Variants in EIF3K observed in about 807,000 individuals in gnomAD.
EIF3K encodes eIF-3 p28.
In EIF3K, 27 loss-of-function variants were observed where a neutral mutation model predicts 34.2. The observed-to-expected ratio is 0.79, with a 90% CI of 0.58 to 1.09. EIF3K has a LOEUF of 1.09. EIF3K is among the 50% of genes least tolerant of loss of function. EIF3K has a pLI of 0.00. For missense variants in EIF3K, 232 were observed against 275.4 expected (o/e 0.84, Z 1.11); for synonymous variants, 105 against 105.7 (o/e 0.99, Z 0.04).
At chr19:38,635,347 C>G (rs1976167308) in intron 7 of EIF3K, 1 of 604,346 alleles carries the variant, frequency 1.7e-6, no homozygotes, top group Admixed American at 3.0e-5. Flanking sequence ...TGCCCCATAG[C>G]ACTCAGCAAG....
intron 2 of EIF3K, among the ~76,000 whole-genome samples, chr19:38,623,214 G>A (rs920501377): frequency 2.0e-5 from 3 of 152,180 alleles, no homozygotes; most frequent in African/African-American, 7.2e-5. Flanking sequence ...TATTAATTTG[G>A]GGAACTAATA....
chr19:38,631,966 A>G (rs531485329), intron 4 of EIF3K: 1 of 189,022 alleles, frequency 5.3e-6, no homozygotes, highest in Non-Finnish European at 1.1e-5. Flanking sequence ...GCACGGGGTA[A>G]GGTTACAGAT....
At position 38,626,180 on chromosome 19, in the gene EIF3K, CACTG is replaced by C; in HGVS notation, c.354+83_354+86del. The C allele has an allele frequency of 3.8e-6, 5 of 1,327,798 alleles. No homozygotes were observed. The South Asian group carries it at 5.9e-5, about 16-fold the overall frequency. The allele number at this position is 1,327,798 out of a possible 1,614,324, so 82.3% of individuals were successfully genotyped here. A position where few individuals can be genotyped will look rare whatever the true frequency, so the allele number is the denominator to read the frequency against. Reference sequence around the variant, plus strand: ...GAGTGCTAAAAGTAACAACGGTGCACACTGACTGGCTTCCTGCTTTGGCGGTGGG... The same window carrying C: ...GAGTGCTAAAAGTAACAACGGTGCACACTGGCTTCCTGCTTTGGCGGTGGG... On this transcript the variant is annotated intron_variant, in intron 4 of 7. Coordinates refer to ENST00000248342, the MANE Select transcript of EIF3K (RefSeq NM_013234.4).
Position 38,626,095 on chromosome 19 carries a change from CCTTCT to C in EIF3K, c.348_352del (p.Phe117AlafsTer5). 2 of 1,614,138 alleles carry C rather than the reference CCTTCT, an allele frequency of 1.2e-6. No individual in the cohort carries two copies. The highest frequency in any genetic ancestry group is 1.7e-6 in the Non-Finnish European group (2 of 1,180,010). On this transcript the variant is annotated frameshift_variant and splice_region_variant, in exon 4 of 8. Transcript: ENST00000248342. LOFTEE classifies it high-confidence loss of function. Reference sequence around the variant, plus strand: ...CTGCTGGAGACCTGCCATTTCCAGGCCTTCTGGGTAACTTCCCTGGGGTCCAGGGG... The same window carrying C: ...CTGCTGGAGACCTGCCATTTCCAGGCGGGTAACTTCCCTGGGGTCCAGGGG...
chr19:38,630,349 T>A lies in EIF3K; in HGVS notation c.355-2081T>A, dbSNP rs561464704. On this transcript the variant is annotated intron_variant, in intron 4 of 7. Transcript: ENST00000248342. ...TTTAATTATTTATTTATTTATTTAT[T>A]TTTTTTTTTTTTTGAGATGGAGTCT... Among the ~76,000 whole-genome samples the A allele has an allele frequency of 7.2e-3, 971 of 134,604 alleles. 12 individuals carry two copies. Among genetic ancestry groups the A allele is most frequent in the South Asian group, 0.019 (81 of 4,270 alleles). The allele number at this position is 134,604 out of a possible 152,430, so 88.3% of individuals were successfully genotyped here.
chr19:38,632,980 A>G (rs1976102736), intron 6 of EIF3K: 1 of 349,850 alleles, frequency 2.9e-6, no homozygotes, highest in Non-Finnish European at 5.2e-6. Flanking sequence ...AGCAAAGCAC[A>G]TGGCGACATG....
intron 4 of EIF3K, among the ~76,000 whole-genome samples, chr19:38,627,861 C>G (rs1346547995): frequency 6.6e-6 from 1 of 151,746 alleles, no homozygotes; most frequent in Non-Finnish European, 1.5e-5. Context: ...ATACCCCAGG[C>G]CAGTTCTCTG....
At chr19:38,629,496 A>G (rs572613598) in intron 4 of EIF3K, among the ~76,000 whole-genome samples, 1 of 152,234 alleles carries the variant, frequency 6.6e-6, no homozygotes, top group South Asian at 2.1e-4. Flanking sequence ...GGATTTCGCC[A>G]TGTTGACCAG....
intron 7 of EIF3K, among the ~76,000 whole-genome samples, chr19:38,635,956 T>C (rs1390129403): frequency 6.6e-6 from 1 of 152,342 alleles, no homozygotes; most frequent in South Asian, 2.1e-4. Flanking sequence ...GTTTTAAAGA[T>C]GTGTTTGGTA....
At chr19:38,621,481 C>T (rs1975839582) in intron 2 of EIF3K, among the ~76,000 whole-genome samples, 1 of 152,194 alleles carries the variant, frequency 6.6e-6, no homozygotes, top group African/African-American at 2.4e-5. Context: ...TGTAGTTTAA[C>T]AAATCATTAT....
intron 1 of EIF3K, 145 bp downstream of exon 1, chr19:38,619,472 C>T (rs113968872): frequency 8.8e-6 from 8 of 908,536 alleles, no homozygotes; most frequent in Middle Eastern, 3.1e-4. Flanking sequence ...CTTAAAGAAA[C>T]GGCACTGAGC....
rs534118801 is a variant in EIF3K at position 38,625,056 on chromosome 19, T to C, written c.279+859T>C. Among the ~76,000 whole-genome samples, 5 of 152,182 alleles carry C rather than the reference T, an allele frequency of 3.3e-5. No homozygotes were observed. The South Asian group carries it at 1.0e-3, about 32-fold the overall frequency. On this transcript the variant is annotated intron_variant, in intron 3 of 7. Coordinates refer to ENST00000248342, the MANE Select transcript of EIF3K (RefSeq NM_013234.4). ...AAGGTGATCCAGGCAGAGAGGACACTCATGGGCTAAAGGAAGCAGAGCTCG... is the reference window on the plus strand; with the variant it reads ...AAGGTGATCCAGGCAGAGAGGACACCCATGGGCTAAAGGAAGCAGAGCTCG...
rs953607771 is a variant in EIF3K at position 38,620,372 on chromosome 19, A to G, written c.95A>G (p.Tyr32Cys). Reference sequence around the variant, plus strand: ...GAGAACCTGGCCACCCTGGAGCGCTATGTAGAGACGCAGGCCAAGGAAAAT... The same window carrying G: ...GAGAACCTGGCCACCCTGGAGCGCTGTGTAGAGACGCAGGCCAAGGAAAAT... ...NPENLATLER[Y>C]VETQAKENAY... Residue 32 changes from tyrosine to cysteine, a missense_variant, in exon 2 of 8, where the codon TAT becomes TGT. Coordinates refer to ENST00000248342, the MANE Select transcript of EIF3K (RefSeq NM_013234.4). 6.2e-7 allele frequency: 1 copy of G among 1,613,852 alleles called. No individual in the cohort carries two copies. Among genetic ancestry groups the G allele is most frequent in the Admixed American group, 1.7e-5 (1 of 59,974 alleles).
At position 38,621,826 on chromosome 19, in the gene EIF3K, C is replaced by T. The variant is rs111313886; in HGVS notation, c.158+1391C>T. The stretch of plus-strand genomic sequence containing the variant: ...GCAGTTTGTTGTCATGGATGTATAG[C>T]TCTCCACTGTGTCACTTGTGTGGCT... On this transcript the variant is annotated intron_variant, in intron 2 of 7. Transcript: ENST00000248342. Among the ~76,000 whole-genome samples, 8 of 151,470 alleles carry T rather than the reference C, an allele frequency of 5.3e-5. 1 individual carries two copies. Among genetic ancestry groups the T allele is most frequent in the Admixed American group, 2.0e-4 (3 of 15,194 alleles).
At chr19:38,629,635 C>T (rs764859553) in intron 4 of EIF3K, among the ~76,000 whole-genome samples, 4 of 152,154 alleles carry the variant, frequency 2.6e-5, no homozygotes, top group Admixed American at 1.3e-4. Flanking sequence ...TACACCTTCC[C>T]GGCATCCATG....
At chr19:38,632,407 G>A (rs1976088594) in intron 4 of EIF3K, 23 bp from the exon 5 acceptor site, 3 of 1,605,642 alleles carry the variant, frequency 1.9e-6, no homozygotes, top group Non-Finnish European at 2.6e-6. Context: ...AATAAACATT[G>A]TGAACATCAA....
chr19:38,634,964 A>G, intron 6 of EIF3K, 29 bp from the exon 7 acceptor site: 1 of 1,613,710 alleles, frequency 6.2e-7, no homozygotes, highest in South Asian at 1.1e-5. Flanking sequence ...AGGCTGACTG[A>G]AGCCCCTTGC....
At chr19:38,625,907 G>C in intron 3 of EIF3K, 121 bp from the exon 4 acceptor site, 1 of 912,204 alleles carries the variant, frequency 1.1e-6, no homozygotes, top group South Asian at 1.4e-5. Flanking sequence ...TCCTTTTCCA[G>C]CTGTTTTTCT....
intron 4 of EIF3K, among the ~76,000 whole-genome samples, chr19:38,629,703 C>A (rs566820965): frequency 6.6e-6 from 1 of 152,288 alleles, no homozygotes; most frequent in East Asian, 1.9e-4. Flanking sequence ...AACCTTTGAG[C>A]AGAAATCTGA....
Sources: allele counts gnomAD v4.1 joint callset (sites outside exome capture counted in the v4.1 genomes callset), GRCh38; gene constraint gnomAD v4.1.1; transcripts MANE v1.5; gene names NCBI Gene and HGNC (gene_info 2026-07-23, HGNC 2026-07-21).